LAMA2: variants seen among roughly 807,000 people sequenced by gnomAD.
The protein encoded by LAMA2 is laminin subunit alpha-2.
LAMA2 carries 269 observed loss-of-function variants against 364.8 expected under a neutral mutation model. The observed-to-expected ratio is 0.74, with a 90% CI of 0.67 to 0.82. The LOEUF (loss-of-function observed/expected upper bound fraction) is 0.82, where lower values mean the gene tolerates loss of function less well. LAMA2 is among the 40% of genes least tolerant of loss of function. The pLI, the probability that LAMA2 is intolerant of heterozygous loss-of-function variation, is 0.00. For synonymous variants in LAMA2, 1,379 were observed against 1,370.6 expected (o/e 1.01, Z -0.14); for missense variants, 3,807 against 3,873.2 (o/e 0.98, Z 0.45).
chr6:129,391,694 G>A lies in LAMA2; in HGVS notation c.5234+41G>A, dbSNP rs745782593. On this transcript the variant is annotated intron_variant, in intron 36 of 64. Coordinates refer to ENST00000421865, the MANE Select transcript of LAMA2 (RefSeq NM_000426.4). ...ATTATTTTTTCTTTTGACAAACTGA[G>A]ATTTCCAGATAATTTACAGTTTTCT... 7.1e-6 allele frequency: 11 copies of A among 1,550,564 alleles called. No homozygotes were observed. The South Asian group carries it at 1.2e-4, about 17-fold the overall frequency.
intron 37 of LAMA2, among the ~76,000 whole-genome samples, chr6:129,394,146 G>T (rs1269543046): frequency 6.6e-6 from 1 of 152,054 alleles, no homozygotes; most frequent in Admixed American, 6.5e-5. Context: ...CCCTGTATGT[G>T]ATATTAATAT....
intron 40 of LAMA2, among the ~76,000 whole-genome samples, chr6:129,427,531 C>T (rs1373600954): frequency 6.6e-6 from 1 of 152,202 alleles, no homozygotes; most frequent in African/African-American, 2.4e-5. Context: ...ACTCCCTAAA[C>T]ATTGAAGTTC....
intron 1 of LAMA2, among the ~76,000 whole-genome samples, chr6:129,005,945 C>G (rs867280612): frequency 2.0e-5 from 3 of 151,596 alleles, no homozygotes; most frequent in Non-Finnish European, 4.4e-5. Context: ...GAAGTTTTCT[C>G]TCTTGTTTTC....
Position 129,454,245 on chromosome 6 carries a change from T to C in LAMA2, c.6664T>C (p.Leu2222=). The C allele has an allele frequency of 6.2e-7, 1 of 1,612,310 alleles. No individual in the cohort carries two copies. Among genetic ancestry groups the C allele is most frequent in the Non-Finnish European group, 8.5e-7 (1 of 1,178,618 alleles). ...AGTTGGACGTGTAGAGTACCCAGAT[T>C]TGACTATTGATGACTCATATTGGTA... ...SGVGRVEYPD[L]TIDDSYWYRI... Residue 2222 remains leucine, a synonymous_variant, in exon 47 of 65, where the codon TTG becomes CTG. Coordinates refer to ENST00000421865, the MANE Select transcript of LAMA2 (RefSeq NM_000426.4).
intron 46 of LAMA2, among the ~76,000 whole-genome samples, chr6:129,453,662 C>T (rs1782802904): frequency 6.6e-6 from 1 of 152,090 alleles, no homozygotes; most frequent in Non-Finnish European, 1.5e-5. Context: ...TTTGACTTTG[C>T]ATGCATGGGG....
At chr6:129,276,205 G>T (rs1217977399) in intron 17 of LAMA2, among the ~76,000 whole-genome samples, 1 of 151,960 alleles carries the variant, frequency 6.6e-6, no homozygotes, top group Non-Finnish European at 1.5e-5. Flanking sequence ...ACATTGTGTA[G>T]CCACTCAAAA....
At chr6:129,084,620 A>T (rs2114845681) in intron 3 of LAMA2, among the ~76,000 whole-genome samples, 1 of 152,294 alleles carries the variant, frequency 6.6e-6, no homozygotes, top group East Asian at 1.9e-4. Flanking sequence ...ACAATGAAAA[A>T]GTCCCCTCCA....
chr6:128,916,373 A>T (rs2114472990), intron 1 of LAMA2, among the ~76,000 whole-genome samples: 1 of 152,322 alleles, frequency 6.6e-6, no homozygotes, highest in Middle Eastern at 3.4e-3. Flanking sequence ...AAATATAATA[A>T]TCAGAGAGAA....
intron 18 of LAMA2, among the ~76,000 whole-genome samples, chr6:129,281,439 G>A (rs1258533646): frequency 6.6e-6 from 1 of 152,178 alleles, no homozygotes; most frequent in Admixed American, 6.5e-5. Context: ...ATATTGCTTT[G>A]CTTTATGTAC....
At chr6:129,050,920 G>A (rs945024350) in intron 2 of LAMA2, among the ~76,000 whole-genome samples, 1 of 152,088 alleles carries the variant, frequency 6.6e-6, no homozygotes, top group African/African-American at 2.4e-5. Flanking sequence ...TTATTCAACA[G>A]GCCTTTGAAC....
chr6:129,088,472 G>A (rs186167511), intron 3 of LAMA2, among the ~76,000 whole-genome samples: 1,647 of 151,440 alleles, frequency 0.011, 37 homozygotes, highest in African/African-American at 0.036. Context: ...AGGGGTGGCC[G>A]GTAGAGGCGC....
chr6:128,936,714 A>G (rs935191602), intron 1 of LAMA2, among the ~76,000 whole-genome samples: 3 of 152,216 alleles, frequency 2.0e-5, no homozygotes, highest in African/African-American at 4.8e-5. Flanking sequence ...TTATTGTATT[A>G]TACTCATCTT....
At chr6:129,284,732 C>T (rs189474333) in intron 18 of LAMA2, among the ~76,000 whole-genome samples, 94 of 152,126 alleles carry the variant, frequency 6.2e-4, no homozygotes, top group Admixed American at 3.9e-3. Flanking sequence ...TCTGCACGTC[C>T]GCTCTTTTTC....
chr6:129,497,647 A>G (rs1212411176), intron 58 of LAMA2, among the ~76,000 whole-genome samples: 2 of 151,802 alleles, frequency 1.3e-5, no homozygotes, highest in African/African-American at 4.9e-5. Flanking sequence ...CAGTTGACAG[A>G]AAAGATCTAT....
chr6:129,260,736 G>T lies in LAMA2; in HGVS notation c.2122G>T (p.Ala708Ser), dbSNP rs777765933. ...FRLSSVNLES[A>S]VSYPTDGSIA... ...GTTGAGCTCTGTTAACCTTGAATCC[G>T]CTGTCTCCTATCCTACTGATGGAAG... Residue 708 changes from alanine to serine, a missense_variant, in exon 15 of 65, where the codon GCT becomes TCT. Coordinates refer to ENST00000421865, the MANE Select transcript of LAMA2 (RefSeq NM_000426.4). 1 of 1,611,574 alleles carries T rather than the reference G, an allele frequency of 6.2e-7. No individual in the cohort carries two copies. Among genetic ancestry groups the T allele is most frequent in the Non-Finnish European group, 8.5e-7 (1 of 1,177,972 alleles).
At chr6:129,285,511 G>A (rs911319882) in intron 18 of LAMA2, among the ~76,000 whole-genome samples, 10 of 152,102 alleles carry the variant, frequency 6.6e-5, no homozygotes, top group African/African-American at 1.4e-4. Context: ...CCCAGATCTC[G>A]TTATATAAAG....
At chr6:129,441,112 T>C in intron 43 of LAMA2, 114 bp downstream of exon 43, 1 of 915,164 alleles carries the variant, frequency 1.1e-6, no homozygotes. Flanking sequence ...TAGTCTGCCT[T>C]CCTTCTTTCA....
At chr6:129,336,551 A>C (rs1775968585) in intron 29 of LAMA2, among the ~76,000 whole-genome samples, 1 of 152,256 alleles carries the variant, frequency 6.6e-6, no homozygotes. Flanking sequence ...TAAACTTATG[A>C]GATAGACAAG....
intron 33 of LAMA2, 103 bp from the exon 34 acceptor site, chr6:129,369,789 G>T (rs1777967729): frequency 3.2e-6 from 3 of 934,072 alleles, no homozygotes; most frequent in Admixed American, 1.8e-5. Context: ...TTCTTTGAAG[G>T]TGAGAAGGCT....
Sources: gnomAD v4.1 joint callset for allele counts (sites outside exome capture counted in the v4.1 genomes callset) on GRCh38, gnomAD v4.1.1 for gene constraint, MANE v1.5 for transcripts, NCBI Gene and HGNC (gene_info 2026-07-23, HGNC 2026-07-21) for gene names.